DIMT1: variants seen among roughly 807,000 people sequenced by gnomAD.
DIMT1 encodes dimethyladenosine transferase.
DIMT1 carries 36 observed loss-of-function variants against 43.2 expected under a neutral mutation model. The ratio of observed to expected loss-of-function variants is 0.83; its 90% CI spans 0.64 to 1.10. The LOEUF is 1.10. Ranked by LOEUF, DIMT1 falls within the 50% of genes least tolerant of loss-of-function variation. The pLI is 0.00. For missense variants in DIMT1, 341 were observed against 385.3 expected, an observed-to-expected ratio of 0.88 and a Z score of 0.96; for synonymous variants, 126 against 130.3, an observed-to-expected ratio of 0.97 and a Z score of 0.22.
intron 10 of DIMT1, 159 bp from the exon 11 acceptor site, chr5:62,391,141 A>T (rs1742294912): frequency 3.5e-6 from 2 of 571,636 alleles, no homozygotes; most frequent in South Asian, 5.4e-5. Context: ...TGGATCTCTA[A>T]TTAAAAGTGG....
At chr5:62,396,046 C>A (rs1449615241) in intron 6 of DIMT1, among the ~76,000 whole-genome samples, 9 of 150,214 alleles carry the variant, frequency 6.0e-5, no homozygotes, top group African/African-American at 2.2e-4. Flanking sequence ...TAAGCTCCAT[C>A]AAGTTCAAGA....
At chr5:62,400,850 C>T (rs1742676611) in intron 3 of DIMT1, among the ~76,000 whole-genome samples, 1 of 152,076 alleles carries the variant, frequency 6.6e-6, no homozygotes, top group Non-Finnish European at 1.5e-5. Context: ...CCTCAACTTC[C>T]CAGGCTCAGG....
chr5:62,395,645 A>G (rs1285134893), intron 6 of DIMT1, among the ~76,000 whole-genome samples: 1 of 152,224 alleles, frequency 6.6e-6, no homozygotes. Flanking sequence ...TTTGACTTGC[A>G]GTTTGAAAGC....
chr5:62,395,256 C>G (rs1228487426), intron 6 of DIMT1, among the ~76,000 whole-genome samples: 1 of 151,964 alleles, frequency 6.6e-6, no homozygotes, highest in African/African-American at 2.4e-5. Flanking sequence ...AACTCCTGAC[C>G]TCAGGTGATC....
Position 62,403,900 on chromosome 5 carries a change from G to T in DIMT1, c.-128C>A. Reference sequence around the variant, plus strand: ...ACCACTCTGGCCCAAGCGCCGGAGGGGCAAGGGTCCGCCCCCTCCCGTACG... The same window carrying T: ...ACCACTCTGGCCCAAGCGCCGGAGGTGCAAGGGTCCGCCCCCTCCCGTACG... On this transcript the variant is annotated 5_prime_UTR_variant, in exon 1 of 12. Coordinates refer to ENST00000199320, the MANE Select transcript of DIMT1 (RefSeq NM_014473.4). 1.0e-6 allele frequency: 1 copy of T among 983,446 alleles called. No individual in the cohort carries two copies. Among genetic ancestry groups the T allele is most frequent in the Admixed American group, 2.7e-5 (1 of 37,724 alleles). 60.9% of individuals were successfully genotyped at this position (983,446 alleles called of 1,614,324 possible).
chr5:62,400,968 C>A (rs190061099), intron 3 of DIMT1, among the ~76,000 whole-genome samples: 9 of 151,878 alleles, frequency 5.9e-5, no homozygotes, highest in Non-Finnish European at 1.3e-4. Flanking sequence ...CCAGGCTGGT[C>A]TTCAACTCCT....
intron 3 of DIMT1, among the ~76,000 whole-genome samples, chr5:62,399,917 A>G (rs1742641411): frequency 6.6e-6 from 1 of 152,172 alleles, no homozygotes; most frequent in South Asian, 2.1e-4. Flanking sequence ...AAACAAACAA[A>G]CAAACAAACA....
intron 6 of DIMT1, 42 bp downstream of exon 6, chr5:62,398,469 T>C: frequency 6.2e-7 from 1 of 1,600,318 alleles, no homozygotes. Context: ...GAACTGTAAG[T>C]CTTTCAAAAT....
chr5:62,395,541 C>T (rs1742455197), intron 6 of DIMT1, among the ~76,000 whole-genome samples: 1 of 152,078 alleles, frequency 6.6e-6, no homozygotes, highest in Non-Finnish European at 1.5e-5. Context: ...CCATAATCAC[C>T]TGGACTACAT....
At chr5:62,399,500 T>C (rs536079122) in intron 3 of DIMT1, among the ~76,000 whole-genome samples, 58 of 102,872 alleles carry the variant, frequency 5.6e-4, no homozygotes, top group Non-Finnish European at 1.0e-3. Context: ...AAATATTAGC[T>C]GGGCCTAGTG....
intron 9 of DIMT1, 197 bp downstream of exon 9, chr5:62,392,729 G>T: frequency 2.2e-6 from 1 of 454,886 alleles, no homozygotes; most frequent in Non-Finnish European, 3.9e-6. Context: ...AATGTGATCT[G>T]ACTCTCAACT....
At chr5:62,398,478 A>G in intron 6 of DIMT1, 33 bp downstream of exon 6, 1 of 1,604,838 alleles carries the variant, frequency 6.2e-7, no homozygotes. Flanking sequence ...GTCTTTCAAA[A>G]TTTGGCAGTA....
At chr5:62,400,085 C>G (rs985461909) in intron 3 of DIMT1, among the ~76,000 whole-genome samples, 1 of 152,134 alleles carries the variant, frequency 6.6e-6, no homozygotes, top group South Asian at 2.1e-4. Flanking sequence ...TAGAGAAGAG[C>G]GTACAATGCA....
intron 3 of DIMT1, among the ~76,000 whole-genome samples, chr5:62,400,308 C>A (rs575213249): frequency 6.6e-6 from 1 of 151,392 alleles, no homozygotes; most frequent in Non-Finnish European, 1.5e-5. Context: ...AGTGAAGTGG[C>A]GCTATCATAG....
intron 6 of DIMT1, among the ~76,000 whole-genome samples, chr5:62,397,212 AG>A (rs1742528431): frequency 6.6e-6 from 1 of 151,944 alleles, no homozygotes; most frequent in Non-Finnish European, 1.5e-5. Flanking sequence ...CCAGAGTGCT[AG>A]GATTATAGGT....
intron 9 of DIMT1, 148 bp downstream of exon 9, chr5:62,392,778 C>T (rs1742354645): frequency 8.3e-6 from 4 of 482,336 alleles, no homozygotes; most frequent in Non-Finnish European, 1.4e-5. Flanking sequence ...TTAGAGCCTC[C>T]CAAGCTCTAA....
At chr5:62,395,064 G>T (rs910822299) in intron 6 of DIMT1, among the ~76,000 whole-genome samples, 1 of 148,662 alleles carries the variant, frequency 6.7e-6, no homozygotes, top group African/African-American at 2.5e-5. Flanking sequence ...CGCTCTTGTC[G>T]CCCAGGCTGG....
intron 6 of DIMT1, among the ~76,000 whole-genome samples, chr5:62,397,095 G>A (rs367574838): frequency 6.6e-6 from 1 of 152,068 alleles, no homozygotes; most frequent in African/African-American, 2.4e-5. Context: ...GATTATAGGT[G>A]CCCACCACAA....
At chr5:62,392,050 A>G in intron 10 of DIMT1, 121 bp downstream of exon 10, 1 of 1,577,338 alleles carries the variant, frequency 6.3e-7, no homozygotes, top group Non-Finnish European at 8.6e-7. Flanking sequence ...TACATTATAT[A>G]TTGTCTTTTA....
Sources: gnomAD v4.1 joint callset for allele counts (sites outside exome capture counted in the v4.1 genomes callset) on GRCh38, gnomAD v4.1.1 for gene constraint, MANE v1.5 for transcripts, NCBI Gene and HGNC (gene_info 2026-07-23, HGNC 2026-07-21) for gene names.